Variants in VPS13B observed in about 807,000 individuals in gnomAD.
VPS13B encodes the protein vacuolar protein sorting 13 homolog B.
VPS13B carries 285 observed loss-of-function variants against 426.4 expected under a neutral mutation model. The ratio of observed to expected loss-of-function variants is 0.67; its 90% confidence interval spans 0.61 to 0.74. The LOEUF (loss-of-function observed/expected upper bound fraction) is 0.74, where lower values mean the gene tolerates loss of function less well. VPS13B is among the 30% of genes least tolerant of loss of function. VPS13B has a pLI of 0.00. For synonymous variants in VPS13B, 1,676 were observed against 1,676.4 expected (o/e 1.00, Z 0.01); for missense variants, 4,537 against 4,782.6 (o/e 0.95, Z 1.51).
chr8:99,280,483 A>G (rs1819118754), intron 19 of VPS13B, among the ~76,000 whole-genome samples: 1 of 152,360 alleles, frequency 6.6e-6, no homozygotes, highest in African/African-American at 2.4e-5. Context: ...AGGGCCTATC[A>G]TTGATGAATG....
chr8:99,615,663 A>G (rs1385784026), intron 33 of VPS13B, among the ~76,000 whole-genome samples: 2 of 152,200 alleles, frequency 1.3e-5, no homozygotes, highest in Non-Finnish European at 2.9e-5. Context: ...ATTAATCTGA[A>G]CTAAAAATCA....
chr8:99,358,191 G>A (rs893490736), intron 19 of VPS13B, among the ~76,000 whole-genome samples: 2 of 152,114 alleles, frequency 1.3e-5, no homozygotes, highest in African/African-American at 4.8e-5. Context: ...TGCAGCAGTT[G>A]GTTTGGTGCC....
intron 33 of VPS13B, among the ~76,000 whole-genome samples, chr8:99,626,065 A>C (rs975857274): frequency 6.6e-5 from 10 of 152,228 alleles, no homozygotes; most frequent in African/African-American, 2.4e-4. Context: ...AAAATTATAA[A>C]ACTCTTAGAA....
At chr8:99,259,721 G>T (rs979355717) in intron 17 of VPS13B, among the ~76,000 whole-genome samples, 2 of 152,054 alleles carry the variant, frequency 1.3e-5, no homozygotes, top group Non-Finnish European at 2.9e-5. Flanking sequence ...GTTAAAATGT[G>T]ATCCTTAGTG....
chr8:99,272,127 A>C (rs769343345), intron 17 of VPS13B, among the ~76,000 whole-genome samples: 1 of 152,230 alleles, frequency 6.6e-6, no homozygotes, highest in Non-Finnish European at 1.5e-5. Context: ...GTTTAATACA[A>C]CTATCATAGA....
chr8:99,100,059 C>A (rs1846646134), intron 4 of VPS13B, among the ~76,000 whole-genome samples: 1 of 152,090 alleles, frequency 6.6e-6, no homozygotes, highest in South Asian at 2.1e-4. Flanking sequence ...CTACTTGACA[C>A]TATCTTGTAC....
At chr8:99,477,221 G>A (rs1350733783) in intron 24 of VPS13B, among the ~76,000 whole-genome samples, 1 of 152,110 alleles carries the variant, frequency 6.6e-6, no homozygotes, top group East Asian at 1.9e-4. Context: ...CTTAAAAGGA[G>A]TATCATGGAC....
intron 16 of VPS13B, among the ~76,000 whole-genome samples, chr8:99,185,505 G>A (rs981021533): frequency 2.0e-5 from 3 of 152,104 alleles, no homozygotes; most frequent in African/African-American, 7.2e-5. Context: ...TTTGGAAAAA[G>A]TGAACTAATC....
At chr8:99,598,382 C>A (rs919530975) in intron 33 of VPS13B, among the ~76,000 whole-genome samples, 2 of 151,998 alleles carry the variant, frequency 1.3e-5, no homozygotes, top group Non-Finnish European at 2.9e-5. Context: ...TTTTCAGAAG[C>A]TACAATTGTT....
At chr8:99,303,730 C>CAAAAAAAAAAAAAAAAAAAAAA (rs58708195) in intron 19 of VPS13B, among the ~76,000 whole-genome samples, 1 of 63,716 alleles carries the variant, frequency 1.6e-5, no homozygotes, top group African/African-American at 7.1e-5. Context: ...GACTCCGTCT[C>CAAAAAAAAAAAAAAAAAAAAAA]AAAAAAAAAA....
intron 16 of VPS13B, among the ~76,000 whole-genome samples, chr8:99,174,758 G>T (rs540211068): frequency 1.3e-5 from 2 of 152,158 alleles, no homozygotes; most frequent in Admixed American, 1.3e-4. Flanking sequence ...AACAAAATAG[G>T]CAAGTTATTT....
At chr8:99,727,202 A>G (rs544247951) in intron 39 of VPS13B, among the ~76,000 whole-genome samples, 99 of 152,322 alleles carry the variant, frequency 6.5e-4, no homozygotes, top group African/African-American at 2.2e-3. Flanking sequence ...TTTCACTTAT[A>G]TGTAAAAAAT....
chr8:99,601,019 C>CT (rs1827270221), intron 33 of VPS13B, among the ~76,000 whole-genome samples: 2 of 151,848 alleles, frequency 1.3e-5, no homozygotes, highest in African/African-American at 2.4e-5. Context: ...TTTTATTATA[C>CT]TTTAAGTTCT....
intron 19 of VPS13B, among the ~76,000 whole-genome samples, chr8:99,294,487 A>C (rs1419690130): frequency 2.0e-5 from 3 of 150,454 alleles, no homozygotes; most frequent in African/African-American, 7.3e-5. Flanking sequence ...ACATGTATAC[A>C]TATGTAACTA....
At chr8:99,656,365 T>G (rs1283110489) in intron 34 of VPS13B, among the ~76,000 whole-genome samples, 1 of 152,188 alleles carries the variant, frequency 6.6e-6, no homozygotes, top group Non-Finnish European at 1.5e-5. Context: ...CTCATCAACA[T>G]CAGCAGGAAT....
chr8:99,687,067 G>A (rs1359451875), intron 35 of VPS13B, among the ~76,000 whole-genome samples: 1 of 152,002 alleles, frequency 6.6e-6, no homozygotes, highest in East Asian at 1.9e-4. Flanking sequence ...TGGCTCTTCA[G>A]TCAGCAGGTG....
chr8:99,076,820 C>G (rs1289049473), intron 3 of VPS13B, among the ~76,000 whole-genome samples: 1 of 151,950 alleles, frequency 6.6e-6, no homozygotes, highest in Non-Finnish European at 1.5e-5. Context: ...TTAAGCCAGT[C>G]TATATCTTTT....
At chr8:99,205,113 A>G (rs1164409489) in intron 17 of VPS13B, among the ~76,000 whole-genome samples, 1 of 152,248 alleles carries the variant, frequency 6.6e-6, no homozygotes, top group Middle Eastern at 3.2e-3. Flanking sequence ...CCAAATGTCC[A>G]TCAGTGATAG....
At chr8:99,037,360 G>C (rs1842792205) in intron 2 of VPS13B, among the ~76,000 whole-genome samples, 1 of 151,904 alleles carries the variant, frequency 6.6e-6, no homozygotes, top group South Asian at 2.1e-4. Context: ...ATTTCTCTGT[G>C]AGGAAGGTAG....
Sources: allele counts gnomAD v4.1 joint callset (sites outside exome capture counted in the v4.1 genomes callset), GRCh38; gene constraint gnomAD v4.1.1; transcripts MANE v1.5; gene names NCBI Gene and HGNC (gene_info 2026-07-23, HGNC 2026-07-21).